METTL25: variants seen among roughly 807,000 people sequenced by gnomAD.
METTL25 encodes methyltransferase like 25.
METTL25 carries 64 observed loss-of-function variants against 71.6 expected under a neutral mutation model. The ratio of observed to expected loss-of-function variants is 0.89; its 90% CI spans 0.73 to 1.10. METTL25 has a LOEUF of 1.10. Among genes scored for constraint, METTL25 ranks in the 50% least tolerant of loss-of-function variants. The pLI, the probability that METTL25 is intolerant of heterozygous loss-of-function variation, is 0.00. For synonymous variants in METTL25, 287 were observed against 250.3 expected (o/e 1.15, Z -1.38); for missense variants, 807 against 707.0 (o/e 1.14, Z -1.60).
At chr12:82,375,995 C>T (rs988364565) in intron 1 of METTL25, among the ~76,000 whole-genome samples, 1 of 152,136 alleles carries the variant, frequency 6.6e-6, no homozygotes, top group African/African-American at 2.4e-5. Context: ...ATAATTGTAG[C>T]ACAAAACAAA....
intron 3 of METTL25, 49 bp downstream of exon 3, chr12:82,389,971 T>C: frequency 9.7e-7 from 1 of 1,035,284 alleles, no homozygotes; most frequent in Non-Finnish European, 1.5e-6. Flanking sequence ...TTGCCACTTT[T>C]TGGTATTATT....
intron 9 of METTL25, among the ~76,000 whole-genome samples, chr12:82,470,590 G>A (rs1892514422): frequency 6.6e-6 from 1 of 151,996 alleles, no homozygotes; most frequent in South Asian, 2.1e-4. Flanking sequence ...AAAGGGAAAA[G>A]AGGAAAGAAT....
At chr12:82,456,677 C>T (rs370264183) in intron 8 of METTL25, 50 bp from the exon 9 acceptor site, 73 of 1,033,870 alleles carry the variant, frequency 7.1e-5, no homozygotes, top group Non-Finnish European at 9.7e-5. Flanking sequence ...TTAAAACCAT[C>T]TAAAATTTAC....
chr12:82,395,328 A>G (rs913643370), intron 3 of METTL25, among the ~76,000 whole-genome samples: 4 of 152,070 alleles, frequency 2.6e-5, no homozygotes, highest in African/African-American at 9.7e-5. Flanking sequence ...GAGTAGTGAT[A>G]TATGATCAGA....
intron 4 of METTL25, among the ~76,000 whole-genome samples, chr12:82,399,832 A>G (rs1294481179): frequency 2.0e-5 from 3 of 152,034 alleles, no homozygotes; most frequent in Admixed American, 2.0e-4. Flanking sequence ...CTTTTTCTAA[A>G]TTACAAGTAT....
intron 9 of METTL25, among the ~76,000 whole-genome samples, chr12:82,466,600 T>C (rs184391072): frequency 2.6e-5 from 4 of 152,246 alleles, no homozygotes; most frequent in Admixed American, 2.6e-4. Flanking sequence ...AAATGTCTGT[T>C]CTGTTAGTTT....
chr12:82,387,243 T>C (rs976276436), intron 2 of METTL25, among the ~76,000 whole-genome samples: 16 of 152,046 alleles, frequency 1.1e-4, no homozygotes, highest in African/African-American at 3.6e-4. Context: ...CAGATCACAG[T>C]GAGCTACTAC....
At chr12:82,464,071 T>C (rs527418238) in intron 9 of METTL25, among the ~76,000 whole-genome samples, 2 of 152,074 alleles carry the variant, frequency 1.3e-5, no homozygotes, top group Non-Finnish European at 2.9e-5. Context: ...TCTTGTTCAC[T>C]CTGATGATTG....
At chr12:82,412,579 G>A (rs553988908) in intron 5 of METTL25, among the ~76,000 whole-genome samples, 3 of 152,176 alleles carry the variant, frequency 2.0e-5, no homozygotes, top group African/African-American at 7.2e-5. Context: ...CCTACAGTTT[G>A]TAAAACATCG....
chr12:82,404,848 G>A lies in METTL25; in HGVS notation c.1279+1718G>A, dbSNP rs148158768. On this transcript the variant is annotated intron_variant, in intron 5 of 11. Coordinates refer to ENST00000248306, the MANE Select transcript of METTL25 (RefSeq NM_032230.3). The stretch of plus-strand genomic sequence containing the variant: ...AATCGCAGCTACCCTGGGGGCTGAG[G>A]CAGGAGAATCTCTTGAACCCAGGAG... Among the ~76,000 whole-genome samples the A allele has an allele frequency of 2.9e-3, 448 of 152,128 alleles. 4 individuals are homozygous for A. Among genetic ancestry groups the A allele is most frequent in the African/African-American group, 0.01 (422 of 41,486 alleles).
chr12:82,439,522 A>C (rs1392255471), intron 8 of METTL25, among the ~76,000 whole-genome samples: 6 of 151,870 alleles, frequency 4.0e-5, no homozygotes, highest in Non-Finnish European at 7.4e-5. Context: ...ACATTTATGA[A>C]AAGATATAAA....
intron 8 of METTL25, among the ~76,000 whole-genome samples, chr12:82,440,900 C>T (rs187523796): frequency 3.2e-4 from 49 of 152,098 alleles, no homozygotes; most frequent in African/African-American, 1.1e-3. Flanking sequence ...GGGATTTCAA[C>T]AGAAGTAAAC....
intron 3 of METTL25, among the ~76,000 whole-genome samples, chr12:82,391,296 G>A (rs1885554096): frequency 6.6e-6 from 1 of 151,968 alleles, no homozygotes; most frequent in African/African-American, 2.4e-5. Flanking sequence ...TATAGAAGTG[G>A]CCAAAACATA....
rs151265130 is a variant in METTL25, at chr12:82,407,270, T to C, written c.1279+4140T>C. 2.1e-3 allele frequency among the ~76,000 whole-genome samples: 326 copies of C among 152,270 alleles called. 6 individuals are homozygous for C. Among genetic ancestry groups the C allele is most frequent in the Middle Eastern group, 0.02 (6 of 294 alleles). On this transcript the variant is annotated intron_variant, in intron 5 of 11. Transcript: ENST00000248306. ...TGGAAGCCTCTCAGTTAACAGATTC[T>C]CAAGCATTAGTCTTGTATCCTGCCT...
chr12:82,436,614 T>A (rs1020339132), intron 7 of METTL25, among the ~76,000 whole-genome samples: 1 of 151,640 alleles, frequency 6.6e-6, no homozygotes, highest in Non-Finnish European at 1.5e-5. Context: ...GAATGATGAC[T>A]TATTCTGTTC....
At chr12:82,406,741 G>A (rs1887132109) in intron 5 of METTL25, among the ~76,000 whole-genome samples, 1 of 152,086 alleles carries the variant, frequency 6.6e-6, no homozygotes, top group Admixed American at 6.6e-5. Flanking sequence ...CTATAAGACA[G>A]GGTATTACAT....
intron 8 of METTL25, among the ~76,000 whole-genome samples, chr12:82,455,806 G>A (rs1027403479): frequency 1.3e-5 from 2 of 151,888 alleles, no homozygotes; most frequent in African/African-American, 2.4e-5. Context: ...AATGGGAGAG[G>A]TATTGAAAGC....
In METTL25 at chr12:82,477,320, C is replaced by T. The variant is rs771153847; in HGVS notation, c.1687C>T (p.Leu563Phe). 1.3e-6 allele frequency: 2 copies of T among 1,570,606 alleles called. No homozygotes were observed. The highest frequency in any genetic ancestry group is 8.6e-7 in the Non-Finnish European group (1 of 1,158,694). ...VLAPCIETLI[L>F]LDRLCYLKEQ... ...GGCTCCCTGTATAGAGACTTTGATT[C>T]TTCTGGATCGACTTTGTTACCTGAA... The change falls in exon 11 of 12, where the codon CTT becomes TTT. Residue 563 changes from leucine to phenylalanine, a missense_variant. Coordinates refer to ENST00000248306, the MANE Select transcript of METTL25 (RefSeq NM_032230.3).
chr12:82,463,450 T>C (rs1448151510), intron 9 of METTL25, among the ~76,000 whole-genome samples: 2 of 152,116 alleles, frequency 1.3e-5, no homozygotes, highest in East Asian at 3.8e-4. Context: ...TCATTGTTTA[T>C]ACATACCACA....
Sources: allele counts gnomAD v4.1 joint callset (sites outside exome capture counted in the v4.1 genomes callset), GRCh38; gene constraint gnomAD v4.1.1; transcripts MANE v1.5; gene names NCBI Gene and HGNC (gene_info 2026-07-23, HGNC 2026-07-21).